Variants in DTHD1 observed in about 807,000 individuals in gnomAD.
The protein encoded by DTHD1 is death domain-containing protein 1.
In DTHD1, 59 loss-of-function variants were observed where a neutral mutation model predicts 74.8. The ratio of observed to expected loss-of-function variants is 0.79; its 90% CI spans 0.64 to 0.98. The LOEUF (loss-of-function observed/expected upper bound fraction) is 0.98, where lower values mean the gene tolerates loss of function less well. DTHD1 is among the 50% of genes least tolerant of loss of function. The pLI, the probability that DTHD1 is intolerant of heterozygous loss-of-function variation, is 0.00. For synonymous variants in DTHD1, 365 were observed against 371.1 expected (o/e 0.98, Z 0.19); for missense variants, 1,051 against 1,065.4 (o/e 0.99, Z 0.19).
At chr4:36,330,081 A>G (rs575696230) in intron 8 of DTHD1, among the ~76,000 whole-genome samples, 2 of 152,348 alleles carry the variant, frequency 1.3e-5, no homozygotes, top group South Asian at 2.1e-4. Context: ...CAGATACATG[A>G]TATAACTCAA....
chr4:36,312,425 AAGAC>A (rs892651750), intron 7 of DTHD1, among the ~76,000 whole-genome samples: 4 of 152,096 alleles, frequency 2.6e-5, no homozygotes, highest in African/African-American at 7.2e-5. Flanking sequence ...CTAATGAAGA[AAGAC>A]AGAGAATAAG....
chr4:36,336,547 G>A (rs564897423), intron 8 of DTHD1, among the ~76,000 whole-genome samples: 7 of 152,298 alleles, frequency 4.6e-5, no homozygotes, highest in Admixed American at 3.9e-4. Context: ...TGTTGTAATG[G>A]CTGTCTTGAG....
At chr4:36,331,538 A>G (rs1758673755) in intron 8 of DTHD1, among the ~76,000 whole-genome samples, 2 of 152,188 alleles carry the variant, frequency 1.3e-5, no homozygotes, top group Admixed American at 1.3e-4. Flanking sequence ...TATCACTTTT[A>G]CTTGTATGTC....
In DTHD1 at chr4:36,284,547, T is replaced by A. The variant is rs755927196; in HGVS notation, c.843T>A (p.Asn281Lys). The A allele has an allele frequency of 1.3e-6, 2 of 1,529,070 alleles. No individual in the cohort carries two copies. Among genetic ancestry groups the A allele is most frequent in the Non-Finnish European group, 1.7e-6 (2 of 1,144,400 alleles). The allele number at this position is 1,529,070 out of a possible 1,614,324, so 94.7% of individuals were successfully genotyped here. A position where few individuals can be genotyped will look rare whatever the true frequency, so the allele number is the denominator to read the frequency against. The change falls in exon 2 of 10, where the codon AAT (asparagine) becomes AAA (lysine). Residue 281 changes from asparagine (N) to lysine (K), a missense_variant. Physicochemically the swap from Asn to Lys is moderately conservative, Grantham distance 94. Transcript: ENST00000639862. ...AATATATAAATAGTACTCTTCCCAATGATTCAGAGAATATAAAGCACAAGA... is the reference window on the plus strand; with the variant it reads ...AATATATAAATAGTACTCTTCCCAAAGATTCAGAGAATATAAAGCACAAGA... ...SKKYINSTLP[N>K]DSENIKHKNN...
At chr4:36,329,851 A>C (rs901984740) in intron 8 of DTHD1, among the ~76,000 whole-genome samples, 16 of 152,206 alleles carry the variant, frequency 1.1e-4, no homozygotes, top group African/African-American at 3.6e-4. Context: ...TTGGGTTCAG[A>C]GATCTTGGCT....
intron 7 of DTHD1, among the ~76,000 whole-genome samples, chr4:36,309,049 T>C (rs1184874957): frequency 6.6e-6 from 1 of 152,222 alleles, no homozygotes; most frequent in Non-Finnish European, 1.5e-5. Flanking sequence ...TTATTCCATG[T>C]ATTTTATTTT....
At chr4:36,316,990 A>G (rs1197374024) in intron 8 of DTHD1, among the ~76,000 whole-genome samples, 1 of 152,236 alleles carries the variant, frequency 6.6e-6, no homozygotes, top group African/African-American at 2.4e-5. Flanking sequence ...CACACAAATA[A>G]ATACATTTTA....
At chr4:36,341,064 G>A (rs746869733) in intron 9 of DTHD1, among the ~76,000 whole-genome samples, 3 of 152,178 alleles carry the variant, frequency 2.0e-5, no homozygotes, top group Non-Finnish European at 4.4e-5. Context: ...AGATTGGAAA[G>A]AAAGGCTTCA....
intron 3 of DTHD1, among the ~76,000 whole-genome samples, 190 bp from the exon 4 acceptor site, chr4:36,293,336 T>A (rs2109460546): frequency 6.6e-6 from 1 of 152,340 alleles, no homozygotes; most frequent in African/African-American, 2.4e-5. Context: ...AGTCTAAATT[T>A]GAGAAACTCT....
At chr4:36,302,358 G>A (rs558492853) in intron 5 of DTHD1, among the ~76,000 whole-genome samples, 2 of 152,252 alleles carry the variant, frequency 1.3e-5, no homozygotes, top group South Asian at 4.1e-4. Context: ...GTGACACCTT[G>A]AACTGGGTAA....
chr4:36,292,272 G>A (rs1031186760), intron 3 of DTHD1, among the ~76,000 whole-genome samples: 2 of 152,108 alleles, frequency 1.3e-5, no homozygotes, highest in African/African-American at 4.8e-5. Flanking sequence ...CACAAAATGG[G>A]TTTGGAAGAT....
Position 36,347,047 on chromosome 4 carries a change from C to G in DTHD1, c.*3223C>G, listed in dbSNP as rs922727774. Among the ~76,000 whole-genome samples, 5 of 152,150 alleles carry G rather than the reference C, an allele frequency of 3.3e-5. No individual in the cohort carries two copies. The highest frequency in any genetic ancestry group is 9.7e-5 in the African/African-American group (4 of 41,434). ...AGACCCTGATTGATACCTCTCTGCA[C>G]ACCTTTCTTATGCTCCTAGCAACGT... is the stretch of plus-strand genomic sequence containing the variant. On this transcript the variant is annotated 3_prime_UTR_variant, in exon 10 of 10. Transcript: ENST00000639862.
intron 5 of DTHD1, among the ~76,000 whole-genome samples, chr4:36,301,761 A>G (rs1213155081): frequency 6.6e-6 from 1 of 151,726 alleles, no homozygotes; most frequent in Non-Finnish European, 1.5e-5. Context: ...GAGTGAACAG[A>G]ACCTTCTAAG....
chr4:36,327,779 T>C (rs544170718), intron 8 of DTHD1, among the ~76,000 whole-genome samples: 1 of 152,326 alleles, frequency 6.6e-6, no homozygotes, highest in East Asian at 1.9e-4. Context: ...TCCATATATA[T>C]TCCATTTATA....
intron 7 of DTHD1, among the ~76,000 whole-genome samples, chr4:36,311,524 C>T (rs1346480488): frequency 1.4e-5 from 2 of 147,190 alleles, no homozygotes; most frequent in Admixed American, 1.4e-4. Context: ...CCTCAACTAT[C>T]ATGTTCTGAG....
intron 6 of DTHD1, 88 bp downstream of exon 6, chr4:36,306,440 T>A (rs1346758288): frequency 7.6e-7 from 1 of 1,313,508 alleles, no homozygotes; most frequent in African/African-American, 1.5e-5. Flanking sequence ...TAAGATTAAA[T>A]TTTTATTCTT....
intron 8 of DTHD1, among the ~76,000 whole-genome samples, chr4:36,318,647 C>T (rs1214633259): frequency 7.4e-6 from 1 of 135,480 alleles, no homozygotes; most frequent in Non-Finnish European, 1.5e-5. Flanking sequence ...CGGAGTCTCG[C>T]TCTGTCGCCC....
intron 7 of DTHD1, among the ~76,000 whole-genome samples, chr4:36,313,472 G>A (rs1006720303): frequency 8.2e-5 from 12 of 146,254 alleles, no homozygotes; most frequent in Non-Finnish European, 1.8e-4. Flanking sequence ...CTCTTTTTTT[G>A]GATTTATTTT....
intron 7 of DTHD1, among the ~76,000 whole-genome samples, chr4:36,310,903 C>A (rs1757362921): frequency 6.6e-6 from 1 of 152,122 alleles, no homozygotes; most frequent in South Asian, 2.1e-4. Context: ...GAAGAGGCCC[C>A]TTCCTACTTG....
Sources: gnomAD v4.1 joint callset for allele counts (sites outside exome capture counted in the v4.1 genomes callset) on GRCh38, gnomAD v4.1.1 for gene constraint, MANE v1.5 for transcripts, NCBI Gene and HGNC (gene_info 2026-07-23, HGNC 2026-07-21) for gene names.